The following CHP2 variants were observed in gnomAD, a reference collection of about 807,000 sequenced individuals.
CHP2 encodes calcineurin B homologous protein 2.
A neutral mutation model predicts 24.7 loss-of-function variants in CHP2; 31 were observed. The ratio of observed to expected loss-of-function variants is 1.26; its 90% CI spans 0.94 to 1.69. The LOEUF (loss-of-function observed/expected upper bound fraction) is 1.69. Ranked by LOEUF, CHP2 falls within the 40% of genes most tolerant of loss-of-function variation. The pLI is 0.00. For missense variants in CHP2, 319 were observed against 261.5 expected (o/e 1.22, Z -1.52); for synonymous variants, 97 against 99.1 (o/e 0.98, Z 0.13).
At chr16:23,755,521 C>T in intron 1 of CHP2, 140 bp from the exon 2 acceptor site, 1 of 744,150 alleles carries the variant, frequency 1.3e-6, no homozygotes, top group Non-Finnish European at 2.3e-6. Context: ...CCCCGGCCAG[C>T]TCAACCCCTG....
intron 5 of CHP2, 27 bp from the exon 6 acceptor site, chr16:23,757,174 A>T (rs1429789412): frequency 1.2e-6 from 2 of 1,613,846 alleles, no homozygotes; most frequent in East Asian, 2.2e-5. Context: ...CCCCCTCCTT[A>T]TGGCTGCCTC....
chr16:23,756,743 G>A (rs1009025302), intron 5 of CHP2, among the ~76,000 whole-genome samples: 4 of 152,148 alleles, frequency 2.6e-5, no homozygotes, highest in African/African-American at 9.7e-5. Context: ...ATGGGGGAGA[G>A]AGTGTGCTAC....
At chr16:23,757,358 C>T in intron 6 of CHP2, 35 bp downstream of exon 6, 1 of 1,598,182 alleles carries the variant, frequency 6.3e-7, no homozygotes, top group Non-Finnish European at 8.5e-7. Context: ...GAGTTGAGAT[C>T]AGGAGTTCTG....
intron 5 of CHP2, 90 bp from the exon 6 acceptor site, chr16:23,757,111 C>T: frequency 6.9e-7 from 1 of 1,451,386 alleles, no homozygotes; most frequent in African/African-American, 1.4e-5. Context: ...TTAGCAATAA[C>T]TTTTGGGATG....
rs1322362160 is a variant in CHP2, at chr16:23,757,538, G to T, written c.546G>T (p.Glu182Asp). 1.2e-6 allele frequency: 2 copies of T among 1,614,080 alleles called. No individual in the cohort carries two copies. The highest frequency in any genetic ancestry group is 1.7e-6 in the Non-Finnish European group (2 of 1,179,990). ...VSFVEFTKSL[E>D]KMDVEQKMSI... ...ATTTGTTTTTCCCTCAGTCCTTAGA[G>T]AAGATGGACGTTGAGCAAAAAATGA... The change falls in exon 7 of 7, where the codon GAG (glutamate) becomes GAT (aspartate). Residue 182 changes from glutamate (E) to aspartate (D), a missense_variant. Physicochemically the swap from Glu to Asp is conservative, Grantham distance 45. Transcript: ENST00000300113.
chr16:23,755,307 C>A, intron 1 of CHP2, 191 bp downstream of exon 1: 1 of 596,496 alleles, frequency 1.7e-6, no homozygotes, highest in Non-Finnish European at 3.0e-6. Context: ...GGGTCCCAGC[C>A]TCCAAGTCTG....
chr16:23,756,607 G>T (rs183254957), intron 5 of CHP2, among the ~76,000 whole-genome samples, 158 bp downstream of exon 5: 28 of 152,294 alleles, frequency 1.8e-4, no homozygotes, highest in Admixed American at 3.9e-4. Flanking sequence ...GTGTGGGTTT[G>T]TTGGGAGTCG....
At chr16:23,756,317 G>A (rs1597177679) in intron 4 of CHP2, 71 bp from the exon 5 acceptor site, 7 of 1,584,586 alleles carry the variant, frequency 4.4e-6, no homozygotes, top group Non-Finnish European at 5.2e-6. Flanking sequence ...AAGGTGGGGG[G>A]AAGGAAGGTG....
At chr16:23,755,602 G>A in intron 1 of CHP2, 59 bp from the exon 2 acceptor site, 1 of 1,451,648 alleles carries the variant, frequency 6.9e-7, no homozygotes, top group Non-Finnish European at 9.6e-7. Flanking sequence ...CTGTTGGGGC[G>A]GGTTTCTGGA....
In CHP2 at chr16:23,757,777, G is replaced by C. The variant is rs1461029775; in HGVS notation, c.*194G>C. On this transcript the variant is annotated 3_prime_UTR_variant, in exon 7 of 7. Coordinates refer to ENST00000300113, the MANE Select transcript of CHP2 (RefSeq NM_022097.4). ...GCAGTCCCCAACCTTTTTGGCATCA[G>C]GGACAGTTTTTCCACGGATGGGTGA... 1 of 623,136 alleles carries C rather than the reference G, an allele frequency of 1.6e-6. No individual in the cohort carries two copies. Among genetic ancestry groups the C allele is most frequent in the Non-Finnish European group, 2.9e-6 (1 of 347,474 alleles). 38.6% of individuals were successfully genotyped at this position (623,136 alleles called of 1,614,324 possible). A position where few individuals can be genotyped will look rare whatever the true frequency, so the allele number is the denominator to read the frequency against.
chr16:23,757,563 A>T lies in CHP2; in HGVS notation c.571A>T (p.Ser191Cys). The change falls in exon 7 of 7, where the codon AGC becomes TGC. Residue 191 changes from serine (S) to cysteine (C), a missense_variant. By Grantham distance (112) the Ser-to-Cys change is moderately radical. Transcript: ENST00000300113. ...GAAGATGGACGTTGAGCAAAAAATG[A>T]GCATCCGGATCCTGAAGTGACTCCG... ...LEKMDVEQKM[S>C]IRILK The T allele has an allele frequency of 6.2e-7, 1 of 1,614,010 alleles. No homozygotes were observed. The highest frequency in any genetic ancestry group is 8.5e-7 in the Non-Finnish European group (1 of 1,179,960).
Position 23,756,411 on chromosome 16 carries a change from G to T in CHP2, c.376G>T (p.Asp126Tyr). 1 of 1,614,014 alleles carries T rather than the reference G, an allele frequency of 6.2e-7. No individual in the cohort carries two copies. The highest frequency in any genetic ancestry group is 8.5e-7 in the Non-Finnish European group (1 of 1,179,970). Residue 126 changes from aspartate to tyrosine, a missense_variant, in exon 5 of 7, where the codon GAT becomes TAT. Transcript: ENST00000300113. ...LHYAFQLYDL[D>Y]RDGKISRHEM... is the part of the protein sequence containing the mutation. ...AGATGCATTTCAGCTCTATGACCTG[G>T]ATCGCGATGGGAAGATCTCCAGGCA... is the stretch of plus-strand genomic sequence containing the variant.
At position 23,756,095 on chromosome 16, in the gene CHP2, G is replaced by C. The variant is rs952271574; in HGVS notation, c.254G>C (p.Arg85Thr). The change falls in exon 4 of 7, where the codon AGG becomes ACG. Residue 85 changes from arginine to threonine, a missense_variant. By Grantham distance (71) the Arg-to-Thr change is moderately conservative. Transcript: ENST00000300113. ...CGAGTGGATTTCCCAGGCTTTGTCA[G>C]GGTCTTGGCTCATTTTCGCCCTGTA... ...SQRVDFPGFV[R>T]VLAHFRPVED... The C allele has an allele frequency of 5.0e-6, 8 of 1,614,156 alleles. No individual in the cohort carries two copies. The highest frequency in any genetic ancestry group is 6.8e-6 in the Non-Finnish European group (8 of 1,180,030).
intron 1 of CHP2, 109 bp downstream of exon 1, chr16:23,755,225 C>T: frequency 2.6e-6 from 2 of 765,242 alleles, no homozygotes; most frequent in Non-Finnish European, 4.1e-6. Context: ...GTCTGGGGTC[C>T]GGGGCTCCCC....
intron 5 of CHP2, among the ~76,000 whole-genome samples, chr16:23,756,766 G>A (rs1961231592): frequency 6.6e-6 from 1 of 152,030 alleles, no homozygotes; most frequent in African/African-American, 2.4e-5. Context: ...GCATCTAGTG[G>A]GTAGAGGTCA....
At chr16:23,756,329 C>A in intron 4 of CHP2, 59 bp from the exon 5 acceptor site, 1 of 1,589,404 alleles carries the variant, frequency 6.3e-7, no homozygotes, top group South Asian at 1.1e-5. Flanking sequence ...AGGAAGGTGG[C>A]TGCTGGAAGA....
chr16:23,755,196 A>G, intron 1 of CHP2, 80 bp downstream of exon 1: 1 of 1,037,718 alleles, frequency 9.6e-7, no homozygotes, highest in African/African-American at 1.6e-5. Context: ...GTTGGGTTGA[A>G]GGATGGACGA....
At position 23,757,315 on chromosome 16, in the gene CHP2, T is replaced by C; in HGVS notation, c.529T>C (p.Phe177Leu). ...DGDGAVSFVE[F>L]TKSLEKMDVE... ...GGATGGGGCTGTGTCCTTCGTGGAG[T>C]TCACCAAGGTCAGAGTGCCCTTGGG... The change falls in exon 6 of 7, where the codon TTC (phenylalanine) becomes CTC (leucine). Residue 177 changes from phenylalanine to leucine, a missense_variant. Phe to Leu is a conservative substitution (Grantham distance 22). Transcript: ENST00000300113. 2 of 1,610,400 alleles carry C rather than the reference T, an allele frequency of 1.2e-6. No individual in the cohort carries two copies. The highest frequency in any genetic ancestry group is 1.7e-6 in the Non-Finnish European group (2 of 1,177,924).
Position 23,757,927 on chromosome 16 carries a change from G to C in CHP2, c.*344G>C, listed in dbSNP as rs1262730994. The C allele has an allele frequency of 5.3e-6, 2 of 375,106 alleles. No homozygotes were observed. Among genetic ancestry groups the C allele is most frequent in the Non-Finnish European group, 1.0e-5 (2 of 196,692 alleles). 23.2% of individuals were successfully genotyped at this position (375,106 alleles called of 1,614,324 possible). On this transcript the variant is annotated 3_prime_UTR_variant, in exon 7 of 7. Transcript: ENST00000300113. ...TCACCATAATGTAGAATCAGCAGGA[G>C]CCCTGAGCTTGTTTTCCTGCAATTA...
Sources: allele counts gnomAD v4.1 joint callset (sites outside exome capture counted in the v4.1 genomes callset), GRCh38; gene constraint gnomAD v4.1.1; transcripts MANE v1.5; gene names NCBI Gene and HGNC (gene_info 2026-07-23, HGNC 2026-07-21).